The following IFT88 variants were observed in gnomAD, a reference collection of about 807,000 sequenced individuals.
IFT88 encodes the protein intraflagellar transport 88.
In IFT88, 74 loss-of-function variants were observed where a neutral mutation model predicts 119.5. The observed-to-expected ratio is 0.62, with a 90% CI of 0.51 to 0.75. The LOEUF (loss-of-function observed/expected upper bound fraction) is 0.75. Ranked by LOEUF, IFT88 falls within the 30% of genes least tolerant of loss-of-function variation. IFT88 has a pLI of 0.00. For missense variants in IFT88, 961 were observed against 977.7 expected, an observed-to-expected ratio of 0.98 and a Z score of 0.23; for synonymous variants, 279 against 316.7, an observed-to-expected ratio of 0.88 and a Z score of 1.26.
chr13:20,685,819 G>A (rs188461769), intron 24 of IFT88, among the ~76,000 whole-genome samples: 45 of 152,372 alleles, frequency 3.0e-4, no homozygotes, highest in Admixed American at 2.8e-3. Context: ...GGCAGAGGTT[G>A]CAGTGAGCCG....
At chr13:20,590,582 C>T (rs999350911) in intron 4 of IFT88, among the ~76,000 whole-genome samples, 21 of 152,080 alleles carry the variant, frequency 1.4e-4, no homozygotes, top group Non-Finnish European at 2.9e-4. Flanking sequence ...GTGTATTACT[C>T]ATAAATTTGA....
At chr13:20,653,232 C>T (rs540806009) in intron 20 of IFT88, among the ~76,000 whole-genome samples, 2 of 152,200 alleles carry the variant, frequency 1.3e-5, no homozygotes, top group South Asian at 2.1e-4. Context: ...GCCATCAAAT[C>T]GAGTAGGAAC....
At chr13:20,587,254 C>CTT (rs75172361) in intron 3 of IFT88, among the ~76,000 whole-genome samples, 2 of 146,226 alleles carry the variant, frequency 1.4e-5, no homozygotes. Context: ...TTGCCTACTG[C>CTT]TTTTTTTTTT....
intron 13 of IFT88, among the ~76,000 whole-genome samples, chr13:20,608,836 GCATGT>G (rs1400964938): frequency 6.6e-6 from 1 of 152,226 alleles, no homozygotes; most frequent in South Asian, 2.1e-4. Flanking sequence ...GCTCTGCCCT[GCATGT>G]CAGAGTTGGC....
chr13:20,568,877 T>G (rs568901756), intron 1 of IFT88, among the ~76,000 whole-genome samples: 3 of 152,020 alleles, frequency 2.0e-5, no homozygotes, highest in Non-Finnish European at 2.9e-5. Context: ...CCCGCCACCA[T>G]GCCCAGCTAA....
chr13:20,590,780 A>G (rs923517697), intron 4 of IFT88, among the ~76,000 whole-genome samples, 187 bp from the exon 5 acceptor site: 2 of 152,192 alleles, frequency 1.3e-5, no homozygotes, highest in African/African-American at 4.8e-5. Context: ...TACAAAGACC[A>G]TGGGTTGTAG....
chr13:20,619,357 C>T (rs1000918078), intron 14 of IFT88, among the ~76,000 whole-genome samples: 1 of 152,156 alleles, frequency 6.6e-6, no homozygotes, highest in Non-Finnish European at 1.5e-5. Flanking sequence ...TGACTGATGT[C>T]CCTGAAGAGT....
At chr13:20,568,789 C>T (rs1261894441) in intron 1 of IFT88, among the ~76,000 whole-genome samples, 12 of 152,178 alleles carry the variant, frequency 7.9e-5, no homozygotes, top group African/African-American at 2.4e-4. Flanking sequence ...GCGGCAATCT[C>T]GGTTTACTGC....
chr13:20,567,376 G>T (rs1478364672), intron 1 of IFT88, 120 bp downstream of exon 1: 2 of 152,358 alleles, frequency 1.3e-5, no homozygotes, highest in Admixed American at 1.3e-4. Flanking sequence ...GCCCCTGTCG[G>T]CCCCGGGGCG....
intron 6 of IFT88, 125 bp downstream of exon 6, chr13:20,591,806 A>G: frequency 1.6e-6 from 1 of 625,900 alleles, no homozygotes; most frequent in East Asian, 3.0e-5. Context: ...AGATGCACTG[A>G]TATTTTAGGT....
chr13:20,621,949 G>A (rs1452145507), intron 14 of IFT88, among the ~76,000 whole-genome samples: 1 of 152,082 alleles, frequency 6.6e-6, no homozygotes, highest in Non-Finnish European at 1.5e-5. Context: ...TGTCTCCATA[G>A]TTTTGGCTTT....
chr13:20,655,299 G>A (rs1241272577), intron 21 of IFT88, among the ~76,000 whole-genome samples: 1 of 151,922 alleles, frequency 6.6e-6, no homozygotes, highest in African/African-American at 2.4e-5. Context: ...GGGCTTGGTG[G>A]TGCACGCCTG....
chr13:20,610,865 G>A (rs992065237), intron 13 of IFT88, among the ~76,000 whole-genome samples: 1 of 152,116 alleles, frequency 6.6e-6, no homozygotes, highest in African/African-American at 2.4e-5. Flanking sequence ...GTGGCCAAGC[G>A]TGGTGGCTCT....
chr13:20,570,376 T>A (rs965882338), intron 1 of IFT88, among the ~76,000 whole-genome samples: 1 of 152,200 alleles, frequency 6.6e-6, no homozygotes, highest in Non-Finnish European at 1.5e-5. Flanking sequence ...ACTAGATATA[T>A]TCCCAATAGA....
At chr13:20,660,020 C>T (rs1442222609) in intron 22 of IFT88, among the ~76,000 whole-genome samples, 1 of 152,146 alleles carries the variant, frequency 6.6e-6, no homozygotes, top group Non-Finnish European at 1.5e-5. Context: ...AGACGTTGTT[C>T]TAGCACTGTG....
chr13:20,585,303 A>C (rs1257484070), intron 3 of IFT88, among the ~76,000 whole-genome samples: 1 of 152,198 alleles, frequency 6.6e-6, no homozygotes, highest in Non-Finnish European at 1.5e-5. Flanking sequence ...CAAAGAACTC[A>C]CTGAAATCTC....
intron 24 of IFT88, among the ~76,000 whole-genome samples, chr13:20,689,484 A>G (rs1471422109): frequency 6.6e-6 from 1 of 152,182 alleles, no homozygotes; most frequent in Non-Finnish European, 1.5e-5. Flanking sequence ...TAATGAGAAC[A>G]CCTACATTTT....
intron 13 of IFT88, among the ~76,000 whole-genome samples, chr13:20,608,629 C>T (rs559873920): frequency 3.9e-5 from 6 of 152,220 alleles, no homozygotes; most frequent in East Asian, 1.9e-4. Context: ...TTTAATTCCC[C>T]GGCTGAGATA....
chr13:20,588,534 TG>T (rs1377462638), intron 3 of IFT88, among the ~76,000 whole-genome samples: 6 of 152,216 alleles, frequency 3.9e-5, no homozygotes, highest in African/African-American at 1.4e-4. Flanking sequence ...CTACTCAGTA[TG>T]AGAGACACTA....
Sources: allele counts gnomAD v4.1 joint callset (sites outside exome capture counted in the v4.1 genomes callset), GRCh38; gene constraint gnomAD v4.1.1; transcripts MANE v1.5; gene names NCBI Gene and HGNC (gene_info 2026-07-23, HGNC 2026-07-21).